KSR1: variants seen among roughly 807,000 people sequenced by gnomAD.
KSR1 encodes the protein kinase suppressor of ras 1.
A neutral mutation model predicts 92.9 loss-of-function variants in KSR1; 35 were observed. The ratio of observed to expected loss-of-function variants is 0.38; its 90% CI spans 0.29 to 0.50. The LOEUF is 0.50. KSR1 is among the 20% of genes least tolerant of loss of function. KSR1 has a pLI of 0.94. For missense variants in KSR1, 972 were observed against 1,158.5 expected (o/e 0.84, Z 2.34); for synonymous variants, 467 against 472.6 (o/e 0.99, Z 0.15).
chr17:27,563,320 G>A (rs921234671), intron 2 of KSR1, among the ~76,000 whole-genome samples: 7 of 151,796 alleles, frequency 4.6e-5, no homozygotes, highest in Non-Finnish European at 7.4e-5. Flanking sequence ...CTGGAGTGTA[G>A]TGGTGCAATC....
At chr17:27,534,367 A>G (rs1163421634) in intron 1 of KSR1, among the ~76,000 whole-genome samples, 1 of 152,264 alleles carries the variant, frequency 6.6e-6, no homozygotes, top group East Asian at 1.9e-4. Context: ...CTGCTTTCAA[A>G]GAGTACAAGA....
At position 27,603,863 on chromosome 17, in the gene KSR1, C is replaced by A; in HGVS notation, c.1540C>A (p.Leu514Ile). Reference protein sequence around the residue: ...DISAFAHAAPLPEAADGTRLD... With the variant: ...DISAFAHAAPIPEAADGTRLD... ...TTCAGCCTTTGCACACGCAGCCCCG[C>A]TCCCTGAAGCTGCCGACGGTACCCG... is the stretch of plus-strand genomic sequence containing the variant. Residue 514 changes from leucine to isoleucine, a missense_variant, in exon 12 of 21, where the codon CTC becomes ATC. By Grantham distance (5) the Leu-to-Ile change is conservative. Around this residue, in one of 5 missense-constraint regions of KSR1, gnomAD observed 611 missense variants for 668.0 expected, o/e 0.91. Transcript: ENST00000644974. 6.2e-7 allele frequency: 1 copy of A among 1,614,002 alleles called. No individual in the cohort carries two copies.
At chr17:27,571,393 G>C (rs78050891) in intron 2 of KSR1, among the ~76,000 whole-genome samples, 4,076 of 152,310 alleles carry the variant, frequency 0.027, 82 homozygotes, top group Middle Eastern at 0.071. Flanking sequence ...ACATCTGTCA[G>C]GTGCTCCCTT....
At position 27,597,390 on chromosome 17, in the gene KSR1, C is replaced by T. The variant is rs2073383314; in HGVS notation, c.1422C>T (p.Pro474=). The change falls in exon 10 of 21, where the codon CCC becomes CCT. Residue 474 remains proline (P), a synonymous_variant. Transcript: ENST00000644974. ...CCAACCCATCCAGCGCCACCACGCC[C>T]CCCAACCCCTCACCTGGCCAGCGGG... ...TSSNPSSATT[P]PNPSPGQRDS... is the part of the protein sequence containing the mutation. 1.2e-6 allele frequency: 2 copies of T among 1,613,316 alleles called. No homozygotes were observed. Among genetic ancestry groups the T allele is most frequent in the Non-Finnish European group, 8.5e-7 (1 of 1,179,462 alleles).
At chr17:27,581,364 T>G (rs1450477767) in intron 3 of KSR1, among the ~76,000 whole-genome samples, 3 of 152,110 alleles carry the variant, frequency 2.0e-5, no homozygotes, top group Non-Finnish European at 4.4e-5. Flanking sequence ...AGCAAGACAT[T>G]CAAGGCCCTT....
At chr17:27,603,349 G>A (rs1317980237) in intron 11 of KSR1, among the ~76,000 whole-genome samples, 2 of 152,234 alleles carry the variant, frequency 1.3e-5, no homozygotes, top group Non-Finnish European at 1.5e-5. Context: ...ACCAGGTGTC[G>A]CTAATGAGCC....
At position 27,586,802 on chromosome 17, in the gene KSR1, A is replaced by G. The variant is rs148933124; in HGVS notation, c.985+1141A>G. 3.7e-4 allele frequency among the ~76,000 whole-genome samples: 56 copies of G among 152,316 alleles called. 1 individual carries two copies. The East Asian group carries it at 0.01, about 28-fold the overall frequency. On this transcript the variant is annotated intron_variant, in intron 5 of 20. Transcript: ENST00000644974. ...AGATCATAAGGTGGCTTTTGGGGCT[A>G]ATTGATTGAAGTTCCAACATAGTCT...
chr17:27,582,821 T>A lies in KSR1; in HGVS notation c.696T>A (p.Ala232=). 1 of 1,613,154 alleles carries A rather than the reference T, an allele frequency of 6.2e-7. No homozygotes were observed. The highest frequency in any genetic ancestry group is 1.3e-5 in the African/African-American group (1 of 74,874). ...AQGPRSISVS[A]LPASDSPTPS... The stretch of plus-strand genomic sequence containing the variant: ...GCCCACGCTCCATCTCCGTGTCAGC[T>A]CTGCCCGCCTCAGACTCCCCCACCC... Residue 232 remains alanine (A), a synonymous_variant, in exon 4 of 21, where the codon GCT becomes GCA. Transcript: ENST00000644974.
At chr17:27,585,712 G>C (rs376647878) in intron 5 of KSR1, 51 bp downstream of exon 5, 2 of 745,994 alleles carry the variant, frequency 2.7e-6, no homozygotes, top group Admixed American at 3.7e-5. Flanking sequence ...TCGTGTGTGC[G>C]TTGCTGTCCC....
intron 2 of KSR1, among the ~76,000 whole-genome samples, chr17:27,569,640 C>T (rs754170892): frequency 1.3e-5 from 2 of 152,214 alleles, no homozygotes; most frequent in Admixed American, 6.5e-5. Flanking sequence ...TTTCGTGACC[C>T]GTAAAAGTTA....
At chr17:27,489,675 C>T (rs886096534) in intron 1 of KSR1, among the ~76,000 whole-genome samples, 1 of 152,134 alleles carries the variant, frequency 6.6e-6, no homozygotes, top group Admixed American at 6.5e-5. Context: ...GAGGTTGGGG[C>T]CCTAGCCTGC....
intron 6 of KSR1, 49 bp from the exon 7 acceptor site, chr17:27,590,757 TGGGCC>T: frequency 6.5e-7 from 1 of 1,531,436 alleles, no homozygotes; most frequent in South Asian, 1.2e-5. Context: ...CTTCTGTGGC[TGGGCC>T]TTGGCCTCCC....
chr17:27,589,223 T>C (rs1199816935), intron 6 of KSR1, among the ~76,000 whole-genome samples: 1 of 152,208 alleles, frequency 6.6e-6, no homozygotes, highest in African/African-American at 2.4e-5. Context: ...CCTGTGAGGC[T>C]TAGCATTAAC....
At chr17:27,480,675 G>A (rs764159029) in intron 1 of KSR1, among the ~76,000 whole-genome samples, 5 of 152,180 alleles carry the variant, frequency 3.3e-5, no homozygotes, top group Non-Finnish European at 5.9e-5. Context: ...GTGAGCCACA[G>A]CACCTGGCCT....
intron 2 of KSR1, among the ~76,000 whole-genome samples, chr17:27,561,762 T>C (rs1203454914): frequency 6.6e-6 from 1 of 152,228 alleles, no homozygotes; most frequent in Non-Finnish European, 1.5e-5. Context: ...CTTTTCAGGG[T>C]GGGGGTTCCC....
chr17:27,538,080 G>A (rs1387821356), intron 1 of KSR1, among the ~76,000 whole-genome samples: 1 of 152,236 alleles, frequency 6.6e-6, no homozygotes, highest in Non-Finnish European at 1.5e-5. Flanking sequence ...GTGGCTCAAA[G>A]AAGAATGAGG....
chr17:27,568,760 C>G (rs2072187245), intron 2 of KSR1, among the ~76,000 whole-genome samples: 1 of 152,224 alleles, frequency 6.6e-6, no homozygotes, highest in Non-Finnish European at 1.5e-5. Flanking sequence ...CAGCTGAGGC[C>G]TGCTGTCAGG....
At chr17:27,473,769 C>T (rs1471375337) in intron 1 of KSR1, among the ~76,000 whole-genome samples, 1 of 151,970 alleles carries the variant, frequency 6.6e-6, no homozygotes, top group Non-Finnish European at 1.5e-5. Context: ...GCACAGGGGA[C>T]AGAACAGAAC....
chr17:27,522,341 C>G (rs1228310197), intron 1 of KSR1, among the ~76,000 whole-genome samples: 1 of 152,238 alleles, frequency 6.6e-6, no homozygotes, highest in Non-Finnish European at 1.5e-5. Flanking sequence ...CAATCCTCCA[C>G]ACAGCTTTGG....
Sources: allele counts gnomAD v4.1 joint callset (sites outside exome capture counted in the v4.1 genomes callset), GRCh38; gene constraint gnomAD v4.1.1; regional missense constraint gnomAD v4.1.1; transcripts MANE v1.5; gene names NCBI Gene and HGNC (gene_info 2026-07-23, HGNC 2026-07-21).